Variants in CEP63 observed in about 807,000 individuals in gnomAD.
The protein encoded by CEP63 is centrosomal protein 63.
CEP63 carries 84 observed loss-of-function variants against 89.1 expected under a neutral mutation model. The observed-to-expected ratio is 0.94, with a 90% CI of 0.79 to 1.13. The LOEUF (loss-of-function observed/expected upper bound fraction) is 1.13. Among genes scored for constraint, CEP63 ranks in the 50% most tolerant of loss-of-function variants. The pLI is 0.00. For missense variants in CEP63, 838 were observed against 813.3 expected, an observed-to-expected ratio of 1.03 and a Z score of -0.37; for synonymous variants, 267 against 272.5, an observed-to-expected ratio of 0.98 and a Z score of 0.20.
the CEP63 span, chr3:134,604,409 C>T: frequency 1.2e-6 from 2 of 1,613,980 alleles, no homozygotes; most frequent in East Asian, 2.2e-5. Flanking sequence ...TCTTGCTTGC[C>T]ATTGAGCATG....
At chr3:134,753,350 G>A in the CEP63 span, among the ~76,000 whole-genome samples, 1 of 152,118 alleles carries the variant, frequency 6.6e-6, no homozygotes, top group South Asian at 2.1e-4. Context: ...CTGCCTCCAT[G>A]GGGATTTGTC....
the CEP63 span, chr3:134,604,242 A>G: frequency 6.2e-7 from 1 of 1,613,798 alleles, no homozygotes; most frequent in Non-Finnish European, 8.5e-7. Context: ...GCAGCTGGAC[A>G]CCCATGTCCA....
intron 1 of CEP63, chr3:134,486,538 C>A: frequency 4.1e-6 from 4 of 985,632 alleles, no homozygotes; most frequent in Non-Finnish European, 4.8e-6. Flanking sequence ...TGGCTGGGGG[C>A]GCTTCGGAGA....
chr3:134,547,302 A>G, intron 8 of CEP63, 33 bp from the exon 9 acceptor site: 24 of 1,604,274 alleles, frequency 1.5e-5, no homozygotes, highest in Non-Finnish European at 2.0e-5. Context: ...GCAGAGATAA[A>G]GGCGTTAACA....
chr3:134,635,236 C>T, the CEP63 span, among the ~76,000 whole-genome samples: 1 of 152,162 alleles, frequency 6.6e-6, no homozygotes. Context: ...ATGGCTCATG[C>T]CTGTAATCCC....
chr3:134,647,522 G>GTCTCCCACCTCAGAGAA, the CEP63 span: 1 of 1,500,668 alleles, frequency 6.7e-7, no homozygotes, highest in Non-Finnish European at 9.3e-7. Flanking sequence ...GCTTCTCTGA[G>GTCTCCCACCTCAGAGAA]GTGGGAGACT....
chr3:134,600,291 T>G, the CEP63 span, among the ~76,000 whole-genome samples: 3 of 152,220 alleles, frequency 2.0e-5, no homozygotes, highest in Admixed American at 2.0e-4. Context: ...AAAACTTTTC[T>G]CCTTTTCAAG....
At chr3:134,638,681 C>T in the CEP63 span, among the ~76,000 whole-genome samples, 3 of 152,236 alleles carry the variant, frequency 2.0e-5, no homozygotes, top group Non-Finnish European at 4.4e-5. Context: ...AGCATACAGG[C>T]AAGCACAAGA....
chr3:134,564,680 C>G lies in CEP63; in HGVS notation c.*3145C>G. On this transcript the variant is annotated 3_prime_UTR_variant, in exon 15 of 15. Coordinates refer to ENST00000675561, the MANE Select transcript of CEP63 (RefSeq NM_001353108.3). Reference sequence around the variant, plus strand: ...TACTGAAAATATATATTTGAAAGGGCTTTGCAGTTTTAAGTACTGTACCTA... The same window carrying G: ...TACTGAAAATATATATTTGAAAGGGGTTTGCAGTTTTAAGTACTGTACCTA... The G allele has an allele frequency of 1.0e-6, 1 of 985,318 alleles. No homozygotes were observed. The highest frequency in any genetic ancestry group is 5.2e-4 in the Middle Eastern group (1 of 1,912). The allele number at this position is 985,318 out of a possible 1,614,324, so 61.0% of individuals were successfully genotyped here.
At chr3:134,607,915 A>G in the CEP63 span, 8 of 990,844 alleles carry the variant, frequency 8.1e-6, no homozygotes, top group Non-Finnish European at 9.6e-6. Context: ...GGGGTGCCTG[A>G]GTTTGGAGGC....
the CEP63 span, among the ~76,000 whole-genome samples, chr3:134,728,913 A>T: frequency 6.6e-6 from 1 of 152,162 alleles, no homozygotes; most frequent in African/African-American, 2.4e-5. Flanking sequence ...AAAAAAGACT[A>T]TATAAAAGAG....
chr3:134,526,920 G>C (rs1030892868), intron 3 of CEP63, among the ~76,000 whole-genome samples: 2 of 152,124 alleles, frequency 1.3e-5, no homozygotes. Context: ...CTAACTCTGG[G>C]GGGGCTCGTA....
chr3:134,745,134 T>G, the CEP63 span, among the ~76,000 whole-genome samples: 27 of 152,316 alleles, frequency 1.8e-4, no homozygotes, highest in Non-Finnish European at 3.1e-4. Context: ...CTTCCCACTG[T>G]TGCCTGGAAA....
the CEP63 span, among the ~76,000 whole-genome samples, chr3:134,692,801 C>T: frequency 6.6e-6 from 1 of 152,194 alleles, no homozygotes; most frequent in African/African-American, 2.4e-5. Flanking sequence ...CCAACACTGA[C>T]AGTCCTATGT....
chr3:134,603,472 A>AT, the CEP63 span: 1 of 998,830 alleles, frequency 1.0e-6, no homozygotes, highest in Non-Finnish European at 1.5e-6. Flanking sequence ...CCTAGAAGGG[A>AT]TTTCATGCAG....
the CEP63 span, among the ~76,000 whole-genome samples, chr3:134,715,194 T>C: frequency 1.3e-5 from 2 of 152,200 alleles, no homozygotes; most frequent in Non-Finnish European, 2.9e-5. Context: ...CTCTCCTCCA[T>C]ACAGAGCCCG....
chr3:134,631,572 G>A, the CEP63 span, among the ~76,000 whole-genome samples: 2 of 152,076 alleles, frequency 1.3e-5, no homozygotes, highest in East Asian at 3.8e-4. Flanking sequence ...TAAAATATAT[G>A]ACAACTACAA....
At chr3:134,698,103 GAC>G in the CEP63 span, among the ~76,000 whole-genome samples, 1 of 152,236 alleles carries the variant, frequency 6.6e-6, no homozygotes, top group Admixed American at 6.5e-5. Flanking sequence ...CCGCCAACCT[GAC>G]ACCCCACGGC....
At chr3:134,761,447 T>C in the CEP63 span, among the ~76,000 whole-genome samples, 2 of 152,184 alleles carry the variant, frequency 1.3e-5, no homozygotes, top group African/African-American at 2.4e-5. Context: ...TGTGCAGCCC[T>C]CGGTCTGAGC....
Sources: gnomAD v4.1 joint callset for allele counts (sites outside exome capture counted in the v4.1 genomes callset) on GRCh38, gnomAD v4.1.1 for gene constraint, MANE v1.5 for transcripts, NCBI Gene and HGNC (gene_info 2026-07-23, HGNC 2026-07-21) for gene names.